The following RNF44 variants were observed in gnomAD, a reference collection of about 807,000 sequenced individuals.
The protein encoded by RNF44 is ring finger protein 44.
RNF44 carries 25 observed loss-of-function variants against 53.6 expected under a neutral mutation model. The ratio of observed to expected loss-of-function variants is 0.47; its 90% CI spans 0.34 to 0.65. The LOEUF is 0.65. Among genes scored for constraint, RNF44 ranks in the 30% least tolerant of loss-of-function variants. The probability of loss-of-function intolerance (pLI) is 0.01; values close to 1 mark genes in which losing one functional copy is unlikely to be tolerated. For synonymous variants in RNF44, 282 were observed against 252.2 expected (o/e 1.12, Z -1.12); for missense variants, 581 against 595.5 (o/e 0.98, Z 0.25).
Position 176,529,402 on chromosome 5 carries a change from G to GGAGCACC in RNF44, c.1137-16_1137-15insGGTGCTC. 1 of 1,607,074 alleles carries GGAGCACC rather than the reference G, an allele frequency of 6.2e-7. No homozygotes were observed. Among genetic ancestry groups the GGAGCACC allele is most frequent in the Non-Finnish European group, 8.5e-7 (1 of 1,175,244 alleles). On this transcript the variant is annotated splice_polypyrimidine_tract_variant and intron_variant, in intron 9 of 10. Transcript: ENST00000274811. ...AGACCACACACCTGTGGAGGGGCGC[G>GGAGCACC]GAGCGTCACCTCCACGCTGAGGGCC...
upstream of RNF44, among the ~76,000 whole-genome samples, chr5:176,539,733 G>A (rs1757404433): frequency 2.0e-5 from 3 of 151,756 alleles, no homozygotes; most frequent in Non-Finnish European, 4.4e-5. Context: ...CTACATATTT[G>A]TTAGATTACT....
rs1384163955 is a variant in RNF44 at position 176,528,083 on chromosome 5, A to G, written c.*945T>C. The G allele has an allele frequency of 6.6e-6, 1 of 152,650 alleles. No homozygotes were observed. Among genetic ancestry groups the G allele is most frequent in the Non-Finnish European group, 1.5e-5 (1 of 68,214 alleles). The allele number at this position is 152,650 out of a possible 1,614,324, so 9.5% of individuals were successfully genotyped here. A position where few individuals can be genotyped will look rare whatever the true frequency, so the allele number is the denominator to read the frequency against. On this transcript the variant is annotated 3_prime_UTR_variant, in exon 11 of 11. Transcript: ENST00000274811. The stretch of plus-strand genomic sequence containing the variant: ...CCAGCCCAGCCCGGCACACGCATGC[A>G]TGCAGGCCGGCCAGCATGACCGTGC...
In RNF44 at chr5:176,529,799, G is replaced by T; in HGVS notation, c.946C>A (p.Pro316Thr). ...PYFLSMLPMS[P>T]TAMGPTISLD... ...CTGATGGTGGGCCCCATTGCTGTTG[G>T]TGACATTGGCAGCATCGAGCTAGAG... Residue 316 changes from proline (P) to threonine (T), a missense_variant, in exon 8 of 11, where the codon CCA (proline) becomes ACA (threonine). Physicochemically the swap from Pro to Thr is conservative, Grantham distance 38 (BLOSUM62 -1). This residue lies in a region of RNF44 where 183 missense variants were observed against 198.6 expected (regional missense o/e 0.92). Coordinates refer to ENST00000274811, the MANE Select transcript of RNF44 (RefSeq NM_014901.5). The T allele has an allele frequency of 3.1e-6, 5 of 1,608,128 alleles. No homozygotes were observed. The highest frequency in any genetic ancestry group is 4.2e-6 in the Non-Finnish European group (5 of 1,177,082).
At chr5:176,539,052 C>T (rs901230028), upstream of RNF44, among the ~76,000 whole-genome samples, 1 of 152,084 alleles carries the variant, frequency 6.6e-6, no homozygotes, top group Non-Finnish European at 1.5e-5. Flanking sequence ...CCTTTTGTTC[C>T]CTTAGAATCA....
Position 176,531,707 on chromosome 5 carries a change from G to T in RNF44, c.298-77C>A. On this transcript the variant is annotated intron_variant, in intron 3 of 10. Coordinates refer to ENST00000274811, the MANE Select transcript of RNF44 (RefSeq NM_014901.5). This position sits in a 1 kb window ranked among gnomAD's most constrained non-coding sequence, Gnocchi z 4.2. ...GGCTACTCTCAGGAGAAATCATCCT[G>T]CCACATCCAGCTGCCGGCTCCCTTC... 1.4e-6 allele frequency: 2 copies of T among 1,404,738 alleles called. No individual in the cohort carries two copies. The highest frequency in any genetic ancestry group is 9.6e-7 in the Non-Finnish European group (1 of 1,036,702). 87.0% of individuals were successfully genotyped at this position (1,404,738 alleles called of 1,614,324 possible). A position where few individuals can be genotyped will look rare whatever the true frequency, so the allele number is the denominator to read the frequency against.
At chr5:176,535,145 G>A (rs1006512032) in intron 1 of RNF44, among the ~76,000 whole-genome samples, 2 of 152,190 alleles carry the variant, frequency 1.3e-5, no homozygotes, top group Non-Finnish European at 2.9e-5. Context: ...GACTTCTAGC[G>A]AGATTCTTGC....
At chr5:176,543,449 G>A in the RNF44 span, 2 of 151,844 alleles carry the variant, frequency 1.3e-5, no homozygotes, top group African/African-American at 4.8e-5. This position sits in a 1 kb window ranked among gnomAD's most constrained non-coding sequence, Gnocchi z 4.0. Context: ...GCAGCTTCCA[G>A]GACCCCCGCC....
upstream of RNF44, chr5:176,542,368 CTG>C (rs142931722): frequency 2.7e-5 from 4 of 146,748 alleles, no homozygotes; most frequent in Non-Finnish European, 4.5e-5. Flanking sequence ...AACAGTGGTT[CTG>C]TGTGTGTGTG....
At chr5:176,530,786 C>T in intron 5 of RNF44, 43 bp from the exon 6 acceptor site, 1 of 1,485,366 alleles carries the variant, frequency 6.7e-7, no homozygotes. Context: ...TGAGACGAGG[C>T]TGTCCTCACC....
rs1756216593 is a variant in RNF44, at chr5:176,528,234, G to T, written c.*794C>A. ...ACACGTGATTTTGGGCCAAATGAAT[G>T]AACAAAAACTGCTGCTCCTCACGTT... On this transcript the variant is annotated 3_prime_UTR_variant, in exon 11 of 11. Coordinates refer to ENST00000274811, the MANE Select transcript of RNF44 (RefSeq NM_014901.5). The T allele has an allele frequency of 6.6e-6, 1 of 152,260 alleles. No individual in the cohort carries two copies. Among genetic ancestry groups the T allele is most frequent in the South Asian group, 2.1e-4 (1 of 4,834 alleles). The allele number at this position is 152,260 out of a possible 1,614,324, so 9.4% of individuals were successfully genotyped here.
Position 176,532,017 on chromosome 5 carries a change from T to G in RNF44, c.284A>C (p.Asp95Ala). The G allele has an allele frequency of 9.3e-6, 15 of 1,610,124 alleles. No individual in the cohort carries two copies. The highest frequency in any genetic ancestry group is 1.3e-5 in the Non-Finnish European group (15 of 1,178,336). ...GGTTCTGCCTACCTGCTCGTGGAGA[T>G]CAACCATGAACGGGCTCTGCTGGGT... The part of the protein sequence containing the change: ...PATQQSPFMV[D>A]LHEQVHQGPV... The change falls in exon 3 of 11, where the codon GAT becomes GCT. Residue 95 changes from aspartate (D) to alanine (A), a missense_variant. Physicochemically the swap from Asp to Ala is moderately radical, Grantham distance 126. Transcript: ENST00000274811.
In RNF44 at chr5:176,529,300, G is replaced by C; in HGVS notation, c.1224C>G (p.Asp408Glu). The change falls in exon 10 of 11, where the codon GAC becomes GAG. Residue 408 changes from aspartate (D) to glutamate (E), a missense_variant. This residue lies in a region of RNF44 where 183 missense variants were observed against 198.6 expected (regional missense o/e 0.92). Coordinates refer to ENST00000274811, the MANE Select transcript of RNF44 (RefSeq NM_014901.5). ...TGGGCAGTGTTACCTTCAACCACTT[G>C]TCAACACACTTGGTGTGGAACTCAT... is the stretch of plus-strand genomic sequence containing the variant. The part of the protein sequence containing the change: ...CNHEFHTKCV[D>E]KWLKANRTCP... 6.2e-7 allele frequency: 1 copy of C among 1,613,684 alleles called. No individual in the cohort carries two copies. The highest frequency in any genetic ancestry group is 8.5e-7 in the Non-Finnish European group (1 of 1,179,954).
chr5:176,533,052 G>A lies in RNF44; in HGVS notation c.-44-536C>T, dbSNP rs565003499. ...GGTTCCTGGTAGGCTCCTGCTGGGC[G>A]GGGTCTCAGGGCACCCTGTCTTGGA... is the stretch of plus-strand genomic sequence containing the variant. On this transcript the variant is annotated intron_variant, in intron 1 of 10. Transcript: ENST00000274811. 4.0e-3 allele frequency among the ~76,000 whole-genome samples: 603 copies of A among 152,294 alleles called. 2 individuals are homozygous for A. Among genetic ancestry groups the A allele is most frequent in the African/African-American group, 0.013 (543 of 41,552 alleles).
In RNF44 at chr5:176,532,468, C is replaced by T. The variant is rs760424189; in HGVS notation, c.5G>A (p.Arg2Gln). The T allele has an allele frequency of 5.1e-6, 8 of 1,572,824 alleles. No homozygotes were observed. Among genetic ancestry groups the T allele is most frequent in the East Asian group, 2.3e-5 (1 of 43,892 alleles). MRPWALAVTRWP... is the reference protein window; with the variant it reads MQPWALAVTRWP... ...CCTAGTCACTGCCAGAGCCCATGGT[C>T]GCATCGGGGGGGCAGGGGGGTGGAG... is the stretch of plus-strand genomic sequence containing the variant. Residue 2 changes from arginine (R) to glutamine (Q), a missense_variant, in exon 2 of 11, where the codon CGA (arginine) becomes CAA (glutamine). Physicochemically the swap from Arg to Gln is conservative, Grantham distance 43. Coordinates refer to ENST00000274811, the MANE Select transcript of RNF44 (RefSeq NM_014901.5).
chr5:176,530,511 A>G (rs570640463), intron 6 of RNF44, 71 bp downstream of exon 6: 49 of 1,310,386 alleles, frequency 3.7e-5, no homozygotes, highest in Admixed American at 1.7e-4. Context: ...GGGAGCCCAG[A>G]TGCAGGTCGG....
chr5:176,529,550 G>A lies in RNF44; in HGVS notation c.1109C>T (p.Pro370Leu), dbSNP rs368519368. Reference sequence around the variant, plus strand: ...CGTCTGCTCCGACTGATGGCTGTCCGGGTTAAAGCGGTACGACGGGAGCTG... The same window carrying A: ...CGTCTGCTCCGACTGATGGCTGTCCAGGTTAAAGCGGTACGACGGGAGCTG... Reference protein sequence around the residue: ...IEQLPSYRFNPDSHQSEQTLC... With the variant: ...IEQLPSYRFNLDSHQSEQTLC... The change falls in exon 9 of 11, where the codon CCG becomes CTG. Residue 370 changes from proline to leucine, a missense_variant. Coordinates refer to ENST00000274811, the MANE Select transcript of RNF44 (RefSeq NM_014901.5). The A allele has an allele frequency of 1.6e-5, 26 of 1,613,940 alleles. No homozygotes were observed. In the East Asian group the frequency reaches 1.8e-4, roughly 11 times the overall value.
Position 176,531,321 on chromosome 5 carries a change from C to T in RNF44, c.465+142G>A. The T allele has an allele frequency of 1.3e-6, 1 of 792,392 alleles. No homozygotes were observed. The highest frequency in any genetic ancestry group is 1.7e-5 in the African/African-American group (1 of 57,472). The allele number at this position is 792,392 out of a possible 1,614,324, so 49.1% of individuals were successfully genotyped here. A position where few individuals can be genotyped will look rare whatever the true frequency, so the allele number is the denominator to read the frequency against. The stretch of plus-strand genomic sequence containing the variant: ...CAAATGTGAACACGCGTATGCTTTC[C>T]TGGGGAGGCCAGGCAGGCGCTCTGA... On this transcript the variant is annotated intron_variant, in intron 4 of 10. Coordinates refer to ENST00000274811, the MANE Select transcript of RNF44 (RefSeq NM_014901.5). This position sits in a 1 kb window ranked among gnomAD's most constrained non-coding sequence, Gnocchi z 4.2.
rs1266919789 is a variant in RNF44, at chr5:176,529,602, G to A, written c.1057C>T (p.Arg353Trp). 5.0e-6 allele frequency: 8 copies of A among 1,613,998 alleles called. No individual in the cohort carries two copies. The highest frequency in any genetic ancestry group is 6.8e-6 in the Non-Finnish European group (8 of 1,180,026). Residue 353 changes from arginine (R) to tryptophan (W), a missense_variant, in exon 9 of 11, where the codon CGG becomes TGG. This residue lies in a region of RNF44 where 183 missense variants were observed against 198.6 expected (regional missense o/e 0.92). Transcript: ENST00000274811. ...TCTATGTCTGCTTTGGTGAGACCCCGGGGCTTGGCATCTCCCAGCCGCTCG... is the reference window on the plus strand; with the variant it reads ...TCTATGTCTGCTTTGGTGAGACCCCAGGGCTTGGCATCTCCCAGCCGCTCG... ...LAERLGDAKP[R>W]GLTKADIEQL...
intron 1 of RNF44, among the ~76,000 whole-genome samples, chr5:176,533,773 G>C (rs527884000): frequency 7.9e-5 from 12 of 152,336 alleles, no homozygotes; most frequent in African/African-American, 2.9e-4. Flanking sequence ...TCAGGGTTCC[G>C]CTCAACTCAA....
Sources: allele counts gnomAD v4.1 joint callset (sites outside exome capture counted in the v4.1 genomes callset), GRCh38; gene constraint gnomAD v4.1.1; regional missense constraint gnomAD v4.1.1; non-coding constraint Gnocchi (gnomAD v3.1); transcripts MANE v1.5; gene names NCBI Gene and HGNC (gene_info 2026-07-23, HGNC 2026-07-21).